Variants in SIDT1 observed in about 807,000 individuals in gnomAD.
SIDT1 encodes SID1 transmembrane family, member 1.
Under a neutral mutation model 107.5 loss-of-function variants are expected in SIDT1, and 101 were observed. That is an observed-to-expected ratio of 0.94 (90% CI 0.80 to 1.11). The LOEUF (loss-of-function observed/expected upper bound fraction) is 1.11, where lower values mean the gene tolerates loss of function less well. SIDT1 is among the 50% of genes least tolerant of loss of function. SIDT1 has a pLI of 0.00. For missense variants in SIDT1, 1,076 were observed against 1,058.2 expected (o/e 1.02, Z -0.23); for synonymous variants, 395 against 398.2 (o/e 0.99, Z 0.10).
chr3:113,574,403 T>A (rs1290346377), intron 3 of SIDT1, among the ~76,000 whole-genome samples: 4 of 152,094 alleles, frequency 2.6e-5, no homozygotes. Context: ...TAATAGGATA[T>A]CATTTCCTTC....
intron 19 of SIDT1, chr3:113,615,059 T>A: frequency 6.5e-7 from 1 of 1,535,716 alleles, no homozygotes; most frequent in East Asian, 2.4e-5. Context: ...TCCTACTGAT[T>A]CAGATGTGTC....
intron 19 of SIDT1, among the ~76,000 whole-genome samples, chr3:113,615,246 G>A (rs1946019880): frequency 6.6e-6 from 1 of 152,158 alleles, no homozygotes; most frequent in African/African-American, 2.4e-5. Context: ...CTCCACCCTA[G>A]CCTGCTCCAT....
chr3:113,555,031 A>G (rs1386207755), intron 1 of SIDT1, among the ~76,000 whole-genome samples: 2 of 152,188 alleles, frequency 1.3e-5, no homozygotes, highest in Non-Finnish European at 2.9e-5. Flanking sequence ...TAAAGTCCCA[A>G]CTGCCCCAAC....
Position 113,626,245 on chromosome 3 carries a change from T to C in SIDT1, c.2421+30T>C, listed in dbSNP as rs776952725. The C allele has an allele frequency of 4.9e-6, 7 of 1,439,160 alleles. No individual in the cohort carries two copies. In the East Asian group the frequency reaches 1.6e-4, roughly 33 times the overall value. The allele number at this position is 1,439,160 out of a possible 1,614,324, so 89.1% of individuals were successfully genotyped here. ...GTTCATATCTATCTTTTTGTGACTT[T>C]CTTCTCTCTTTACATCTTGTACTCT... On this transcript the variant is annotated intron_variant, in intron 24 of 24. Coordinates refer to ENST00000264852, the MANE Select transcript of SIDT1 (RefSeq NM_017699.3).
At chr3:113,559,646 T>C (rs779633964) in intron 1 of SIDT1, among the ~76,000 whole-genome samples, 12 of 152,108 alleles carry the variant, frequency 7.9e-5, no homozygotes, top group Non-Finnish European at 1.6e-4. Flanking sequence ...GGTTTTACCA[T>C]GTTGCTTAGG....
chr3:113,567,755 TG>T, intron 3 of SIDT1, 45 bp downstream of exon 3: 1 of 1,574,298 alleles, frequency 6.4e-7, no homozygotes, highest in South Asian at 1.1e-5. Flanking sequence ...TTCCTGTGCT[TG>T]TGGATGCTCA....
chr3:113,562,819 G>C (rs1941552106), intron 1 of SIDT1, among the ~76,000 whole-genome samples: 1 of 152,132 alleles, frequency 6.6e-6, no homozygotes, highest in African/African-American at 2.4e-5. Flanking sequence ...AAAAACTACT[G>C]AATTATGCAC....
chr3:113,562,852 T>C (rs1178145848), intron 1 of SIDT1, among the ~76,000 whole-genome samples: 1 of 152,216 alleles, frequency 6.6e-6, no homozygotes, highest in African/African-American at 2.4e-5. Flanking sequence ...AATTGTGTGA[T>C]GTATGAATTA....
At chr3:113,607,462 T>C (rs1484190828) in intron 15 of SIDT1, among the ~76,000 whole-genome samples, 1 of 152,228 alleles carries the variant, frequency 6.6e-6, no homozygotes, top group African/African-American at 2.4e-5. Context: ...CTATGATCCC[T>C]ATTTTTAGAT....
At chr3:113,568,426 C>G (rs1311560716) in intron 3 of SIDT1, among the ~76,000 whole-genome samples, 1 of 151,790 alleles carries the variant, frequency 6.6e-6, no homozygotes, top group Non-Finnish European at 1.5e-5. Flanking sequence ...AACCCCATCT[C>G]TACTAAAAAT....
chr3:113,612,333 C>A, intron 19 of SIDT1, 139 bp downstream of exon 19: 1 of 709,552 alleles, frequency 1.4e-6, no homozygotes, highest in Non-Finnish European at 2.6e-6. Flanking sequence ...TGTTTAATAG[C>A]ACATATTCGC....
chr3:113,603,597 A>G (rs1169603559), intron 12 of SIDT1, among the ~76,000 whole-genome samples: 2 of 152,208 alleles, frequency 1.3e-5, no homozygotes, highest in Admixed American at 6.5e-5. Flanking sequence ...TTTCAGCCCT[A>G]TGTAGTTCAA....
intron 10 of SIDT1, among the ~76,000 whole-genome samples, chr3:113,599,709 A>C (rs1326868540): frequency 6.6e-6 from 1 of 152,236 alleles, no homozygotes; most frequent in Non-Finnish European, 1.5e-5. Context: ...AATAAGGAGT[A>C]GAACAGTGAA....
chr3:113,581,388 G>A lies in SIDT1; in HGVS notation c.691G>A (p.Val231Met), dbSNP rs1943326939. ...CCCGGTGTATGATCTCGACCACAAT[G>A]TGGAATTTAATGGTGTCTATCAGTC... ...MCPVYDLDHNVEFNGVYQSMT... is the reference protein window; with the variant it reads ...MCPVYDLDHNMEFNGVYQSMT... Residue 231 changes from valine to methionine, a missense_variant, in exon 6 of 25, where the codon GTG (valine) becomes ATG (methionine). Coordinates refer to ENST00000264852, the MANE Select transcript of SIDT1 (RefSeq NM_017699.3). 6.2e-7 allele frequency: 1 copy of A among 1,614,058 alleles called. No individual in the cohort carries two copies. Among genetic ancestry groups the A allele is most frequent in the Non-Finnish European group, 8.5e-7 (1 of 1,179,970 alleles).
In SIDT1 at chr3:113,607,130, T is replaced by C. The variant is rs1444923297; in HGVS notation, c.1478+16T>C. 4.5e-6 allele frequency: 7 copies of C among 1,562,650 alleles called. No individual in the cohort carries two copies. The highest frequency in any genetic ancestry group is 1.4e-5 in the African/African-American group (1 of 74,050). ...GCGTCCTGAGGTAAACCCAGTCCTC[T>C]GGTTGCCCATGAGGCATTTAGAGAT... is the stretch of plus-strand genomic sequence containing the variant. On this transcript the variant is annotated intron_variant, in intron 15 of 24. Transcript: ENST00000264852.
At chr3:113,551,612 A>G (rs776490574) in intron 1 of SIDT1, among the ~76,000 whole-genome samples, 5 of 152,212 alleles carry the variant, frequency 3.3e-5, no homozygotes, top group African/African-American at 1.2e-4. Context: ...ACTCCCTTAC[A>G]ATTACTGAAA....
chr3:113,548,139 A>G (rs1414571864), intron 1 of SIDT1, among the ~76,000 whole-genome samples: 2 of 151,982 alleles, frequency 1.3e-5, no homozygotes, highest in Non-Finnish European at 2.9e-5. Flanking sequence ...TTCCTCATTG[A>G]TACCTTCTCT....
intron 1 of SIDT1, among the ~76,000 whole-genome samples, chr3:113,538,524 G>A (rs1259883232): frequency 2.0e-5 from 3 of 152,196 alleles, no homozygotes; most frequent in Non-Finnish European, 4.4e-5. Context: ...AATAGAAAAT[G>A]TGTCGTTAGT....
chr3:113,548,360 A>G (rs1434118712), intron 1 of SIDT1, among the ~76,000 whole-genome samples: 1 of 152,122 alleles, frequency 6.6e-6, no homozygotes, highest in Non-Finnish European at 1.5e-5. Flanking sequence ...CACCCTCTGA[A>G]AATAGTCTGT....
Sources: gnomAD v4.1 joint callset for allele counts (sites outside exome capture counted in the v4.1 genomes callset) on GRCh38, gnomAD v4.1.1 for gene constraint, MANE v1.5 for transcripts, NCBI Gene and HGNC (gene_info 2026-07-23, HGNC 2026-07-21) for gene names.